APBA2: variants seen among roughly 807,000 people sequenced by gnomAD.
APBA2 encodes amyloid beta precursor protein binding family A member 2.
A neutral mutation model predicts 75.0 loss-of-function variants in APBA2; 30 were observed. That is an observed-to-expected ratio of 0.40 (90% CI 0.30 to 0.54). The LOEUF (loss-of-function observed/expected upper bound fraction) is 0.54. Among genes scored for constraint, APBA2 ranks in the 20% least tolerant of loss-of-function variants. APBA2 has a pLI of 0.49. For missense variants in APBA2, 801 were observed against 1,016.1 expected (o/e 0.79, Z 2.88); for synonymous variants, 444 against 409.6 (o/e 1.08, Z -1.01).
chr15:28,977,797 A>G (rs1399485078), intron 2 of APBA2, among the ~76,000 whole-genome samples: 1 of 152,114 alleles, frequency 6.6e-6, no homozygotes, highest in Non-Finnish European at 1.5e-5. Flanking sequence ...TAGTACAGAA[A>G]TGCTGAGGTT....
chr15:29,030,636 A>G (rs1000841853), intron 3 of APBA2, among the ~76,000 whole-genome samples: 6 of 152,040 alleles, frequency 3.9e-5, no homozygotes, highest in African/African-American at 1.2e-4. Context: ...CATTGTAGTC[A>G]GTGGGTGTAG....
At chr15:29,035,517 G>T (rs1288157647) in intron 3 of APBA2, among the ~76,000 whole-genome samples, 1 of 152,136 alleles carries the variant, frequency 6.6e-6, no homozygotes, top group African/African-American at 2.4e-5. Flanking sequence ...AGGGGTGTGT[G>T]TGGGGACCTT....
At position 28,997,246 on chromosome 15, in the gene APBA2, A is replaced by G. The variant is rs111321167; in HGVS notation, c.-41+1440A>G. 6.7e-3 allele frequency among the ~76,000 whole-genome samples: 1,018 copies of G among 152,318 alleles called. 13 individuals carry two copies. The highest frequency in any genetic ancestry group is 0.023 in the African/African-American group (972 of 41,558). On this transcript the variant is annotated intron_variant, in intron 3 of 14. Transcript: ENST00000683413. ...CAAGGCATTTAAGAGATGCAGGACA[A>G]TCAGCCCTCGTCCATGAAACAGGGT... is the stretch of plus-strand genomic sequence containing the variant.
intron 1 of APBA2, among the ~76,000 whole-genome samples, chr15:28,904,961 A>C (rs1177648272): frequency 1.3e-5 from 2 of 152,098 alleles, no homozygotes; most frequent in Non-Finnish European, 2.9e-5. Context: ...CGCTGACCTG[A>C]TGGGTTGGGG....
At chr15:28,986,929 T>C (rs528560628) in intron 2 of APBA2, among the ~76,000 whole-genome samples, 1 of 152,318 alleles carries the variant, frequency 6.6e-6, no homozygotes, top group Admixed American at 6.5e-5. Flanking sequence ...GCCAACAGAT[T>C]TGCTGTCTGG....
In APBA2 at chr15:28,918,316, C is replaced by A. The variant is rs1368276504; in HGVS notation, c.-204-3324C>A. On this transcript the variant is annotated intron_variant, in intron 1 of 14. Coordinates refer to ENST00000683413, the MANE Select transcript of APBA2 (RefSeq NM_001353788.2). This position sits in a 1 kb window ranked among gnomAD's most constrained non-coding sequence, Gnocchi z 4.2. ...AAGCCCCTTCTTTATTTTGGAATGGCCACCTGGCCAACTGGCACACAGGGA... is the reference window on the plus strand; with the variant it reads ...AAGCCCCTTCTTTATTTTGGAATGGACACCTGGCCAACTGGCACACAGGGA... 6.6e-6 allele frequency among the ~76,000 whole-genome samples: 1 copy of A among 152,162 alleles called. No individual in the cohort carries two copies. The highest frequency in any genetic ancestry group is 1.5e-5 in the Non-Finnish European group (1 of 68,030).
At position 28,897,045 on chromosome 15, in the gene APBA2, C is replaced by T. The variant is rs577944491; in HGVS notation, c.-205+10767C>T. Among the ~76,000 whole-genome samples, 105 of 152,276 alleles carry T rather than the reference C, an allele frequency of 6.9e-4. 2 individuals are homozygous for T. In the South Asian group the frequency reaches 0.02, roughly 30 times the overall value. On this transcript the variant is annotated intron_variant, in intron 1 of 14. Transcript: ENST00000683413. ...ACAACTGGACCTCACATCTCCGGCC[C>T]TGACACCAGAAACTAGGCCTCCATC...
chr15:28,944,581 G>A (rs1315398987), intron 2 of APBA2, among the ~76,000 whole-genome samples: 1 of 152,238 alleles, frequency 6.6e-6, no homozygotes, highest in Non-Finnish European at 1.5e-5. Flanking sequence ...TGTCCCCTAA[G>A]GTGTGAGTTC....
chr15:28,987,727 G>GATATAT (rs1252518408), intron 2 of APBA2, among the ~76,000 whole-genome samples: 53 of 115,096 alleles, frequency 4.6e-4, no homozygotes, highest in African/African-American at 2.0e-3. Context: ...TATGTGGAGA[G>GATATAT]AGATATATAT....
intron 6 of APBA2, among the ~76,000 whole-genome samples, chr15:29,079,019 TA>T (rs1483414942): frequency 6.6e-6 from 1 of 152,196 alleles, no homozygotes; most frequent in Non-Finnish European, 1.5e-5. Flanking sequence ...TGATAAACTG[TA>T]TCTAGATGGG....
chr15:29,067,792 T>C (rs535467455), intron 4 of APBA2, among the ~76,000 whole-genome samples: 22 of 152,316 alleles, frequency 1.4e-4, no homozygotes, highest in Non-Finnish European at 3.2e-4. Context: ...TTATAGATCA[T>C]CTGGTGAAAC....
chr15:28,929,944 C>A (rs966465965), intron 2 of APBA2, among the ~76,000 whole-genome samples: 3 of 117,736 alleles, frequency 2.5e-5, no homozygotes, highest in African/African-American at 9.7e-5. Context: ...GATCTGCCAC[C>A]CACCTACTAA....
chr15:28,890,754 C>G (rs924921293), intron 1 of APBA2, among the ~76,000 whole-genome samples: 1 of 152,142 alleles, frequency 6.6e-6, no homozygotes, highest in Non-Finnish European at 1.5e-5. Context: ...CTCTTGCCTG[C>G]GGTTGTTTTG....
intron 2 of APBA2, among the ~76,000 whole-genome samples, chr15:28,945,668 GC>G (rs1284052492): frequency 1.3e-5 from 2 of 151,876 alleles, no homozygotes; most frequent in Non-Finnish European, 2.9e-5. Context: ...ACAGGCGCCT[GC>G]CCCCCGCCTG....
chr15:29,036,064 C>T lies in APBA2; in HGVS notation c.-40-17781C>T, dbSNP rs146422519. ...GTGCCCTTTGGCTCAGGGCTGGGCC[C>T]GGGAGGCTGGAGAGGTGCCAGGGTT... On this transcript the variant is annotated intron_variant, in intron 3 of 14. Transcript: ENST00000683413. Among the ~76,000 whole-genome samples, 350 of 152,164 alleles carry T rather than the reference C, an allele frequency of 2.3e-3. 2 individuals are homozygous for T. The highest frequency in any genetic ancestry group is 7.6e-3 in the African/African-American group (315 of 41,520).
Position 28,886,054 on chromosome 15 carries a change from C to A in APBA2, c.-429C>A, listed in dbSNP as rs1167236443. The A allele has an allele frequency of 6.7e-6, 1 of 149,014 alleles. No individual in the cohort carries two copies. 9.2% of individuals were successfully genotyped at this position (149,014 alleles called of 1,614,324 possible). A position where few individuals can be genotyped will look rare whatever the true frequency, so the allele number is the denominator to read the frequency against. On this transcript the variant is annotated 5_prime_UTR_variant, in exon 1 of 15. Coordinates refer to ENST00000683413, the MANE Select transcript of APBA2 (RefSeq NM_001353788.2). ...AGCCGCAGGCCGGTGCGGGATGCGC[C>A]CCGCAGCCGCGCCGCGTGCGCCCGG...
intron 3 of APBA2, among the ~76,000 whole-genome samples, chr15:29,049,155 A>G (rs1485242472): frequency 6.6e-6 from 1 of 152,130 alleles, no homozygotes; most frequent in Non-Finnish European, 1.5e-5. Context: ...TGTATATTGG[A>G]ATCACCTGGG....
At position 28,980,458 on chromosome 15, in the gene APBA2, A is replaced by G. The variant is rs142562083; in HGVS notation, c.-94-15295A>G. Among the ~76,000 whole-genome samples the G allele has an allele frequency of 2.2e-4, 34 of 152,324 alleles. No homozygotes were observed. The East Asian group carries it at 5.4e-3, about 24-fold the overall frequency. On this transcript the variant is annotated intron_variant, in intron 2 of 14. Transcript: ENST00000683413. ...CAATAATGTTCAAGCTGAGAGCCAA[A>G]TCAGGAACACAATCCCATTTACAAT...
chr15:29,099,490 T>G (rs556709672), intron 9 of APBA2, among the ~76,000 whole-genome samples: 3 of 152,354 alleles, frequency 2.0e-5, no homozygotes, highest in South Asian at 4.1e-4. Context: ...AGGTGTTTAC[T>G]GGGAGTTGGT....
Sources: allele counts gnomAD v4.1 joint callset (sites outside exome capture counted in the v4.1 genomes callset), GRCh38; gene constraint gnomAD v4.1.1; non-coding constraint Gnocchi (gnomAD v3.1); transcripts MANE v1.5; gene names NCBI Gene and HGNC (gene_info 2026-07-23, HGNC 2026-07-21).